The following CADPS2 variants were observed in gnomAD, a reference collection of about 807,000 sequenced individuals.
CADPS2 encodes the protein calcium dependent secretion activator 2, also known as calcium-dependent secretion activator 2.
In CADPS2, 93 loss-of-function variants were observed where a neutral mutation model predicts 172.5. That is an observed-to-expected ratio of 0.54 (90% CI 0.46 to 0.64). CADPS2 has a LOEUF of 0.64. Ranked by LOEUF, CADPS2 falls within the 30% of genes least tolerant of loss-of-function variation. The pLI is 0.00. For synonymous variants in CADPS2, 546 were observed against 555.2 expected, an observed-to-expected ratio of 0.98 and a Z score of 0.23; for missense variants, 1,420 against 1,565.9, an observed-to-expected ratio of 0.91 and a Z score of 1.57.
chr7:122,684,357 C>T (rs990846283), intron 2 of CADPS2, among the ~76,000 whole-genome samples: 1 of 151,902 alleles, frequency 6.6e-6, no homozygotes, highest in African/African-American at 2.4e-5. Context: ...CCATAGCATC[C>T]AAAAGCATGA....
intron 1 of CADPS2, among the ~76,000 whole-genome samples, chr7:122,787,777 G>A (rs1170469666): frequency 6.6e-6 from 1 of 152,184 alleles, no homozygotes; most frequent in Non-Finnish European, 1.5e-5. Context: ...TTAGCTGTTA[G>A]AGTAGCCTTC....
intron 12 of CADPS2, among the ~76,000 whole-genome samples, chr7:122,477,493 G>A (rs2056832049): frequency 2.0e-5 from 3 of 151,166 alleles, no homozygotes; most frequent in Admixed American, 2.0e-4. Flanking sequence ...TCCAGCCTGG[G>A]CTACAGAGTG....
At chr7:122,647,165 G>T (rs957788301) in intron 3 of CADPS2, among the ~76,000 whole-genome samples, 2 of 152,124 alleles carry the variant, frequency 1.3e-5, no homozygotes, top group African/African-American at 4.8e-5. Flanking sequence ...GGATAGCAGG[G>T]GGCAGTGGTA....
At chr7:122,767,371 G>T (rs762241449) in intron 1 of CADPS2, among the ~76,000 whole-genome samples, 1 of 152,058 alleles carries the variant, frequency 6.6e-6, no homozygotes, top group Non-Finnish European at 1.5e-5. Context: ...GATAGAGCTG[G>T]GATTCAAAAC....
intron 1 of CADPS2, among the ~76,000 whole-genome samples, chr7:122,839,851 C>G (rs11971637): frequency 6.6e-6 from 1 of 152,046 alleles, no homozygotes; most frequent in East Asian, 1.9e-4. Flanking sequence ...ACTGGTTCAA[C>G]CATTGTGGAA....
chr7:122,673,662 C>T (rs2082096252), intron 2 of CADPS2, among the ~76,000 whole-genome samples: 1 of 152,050 alleles, frequency 6.6e-6, no homozygotes, highest in African/African-American at 2.4e-5. Context: ...GAGCTAGACA[C>T]AGATTGCTGA....
intron 1 of CADPS2, among the ~76,000 whole-genome samples, chr7:122,750,158 T>C (rs1395264144): frequency 6.6e-6 from 1 of 152,118 alleles, no homozygotes; most frequent in African/African-American, 2.4e-5. Flanking sequence ...TATTGTATGC[T>C]ACACTGCTGA....
chr7:122,382,139 G>C (rs1402862197), intron 24 of CADPS2: 1 of 152,006 alleles, frequency 6.6e-6, no homozygotes, highest in Admixed American at 6.6e-5. Context: ...CATTCATTAG[G>C]GGACCCAGGT....
intron 1 of CADPS2, among the ~76,000 whole-genome samples, chr7:122,867,541 A>G (rs993229870): frequency 3.3e-5 from 5 of 152,170 alleles, no homozygotes; most frequent in African/African-American, 1.2e-4. Context: ...GTCCCTGCTG[A>G]AGGGCTTTGC....
At chr7:122,696,847 T>A (rs1004593859) in intron 2 of CADPS2, among the ~76,000 whole-genome samples, 32 of 152,348 alleles carry the variant, frequency 2.1e-4, no homozygotes, top group African/African-American at 7.5e-4. Context: ...AACAAAGATA[T>A]TTATCATTCA....
chr7:122,719,653 T>C (rs953849263), intron 2 of CADPS2, among the ~76,000 whole-genome samples: 4 of 152,262 alleles, frequency 2.6e-5, no homozygotes, highest in Middle Eastern at 3.4e-3. Context: ...CCATCAAATG[T>C]GCACATAAAT....
At chr7:122,828,700 A>G (rs1805646581) in intron 1 of CADPS2, among the ~76,000 whole-genome samples, 1 of 152,124 alleles carries the variant, frequency 6.6e-6, no homozygotes, top group African/African-American at 2.4e-5. Context: ...ACTTTAGCCA[A>G]CTTTTAAGCA....
At chr7:122,817,912 TCCCTTATTTCCGTGCCCCAAC>T (rs1484854013) in intron 1 of CADPS2, among the ~76,000 whole-genome samples, 2 of 142,180 alleles carry the variant, frequency 1.4e-5, no homozygotes, top group Admixed American at 7.1e-5. Context: ...TGTGCCCCAA[TCCCTTATTTCCGTGCCCCAAC>T]CCCTTATTTC....
chr7:122,446,903 A>C (rs1454887764), intron 15 of CADPS2, among the ~76,000 whole-genome samples: 1 of 152,004 alleles, frequency 6.6e-6, no homozygotes, highest in Non-Finnish European at 1.5e-5. Context: ...CTCAGGAATC[A>C]CTTTCATTGC....
intron 17 of CADPS2, among the ~76,000 whole-genome samples, chr7:122,422,578 C>G (rs144656220): frequency 6.6e-6 from 1 of 152,092 alleles, no homozygotes; most frequent in South Asian, 2.1e-4. Context: ...GGCACATAAA[C>G]AAATTGTTCT....
At chr7:122,554,208 G>C (rs1486772627) in intron 8 of CADPS2, among the ~76,000 whole-genome samples, 2 of 152,088 alleles carry the variant, frequency 1.3e-5, no homozygotes, top group East Asian at 3.9e-4. Context: ...GAACCTCAAT[G>C]CTAAGCTTGT....
intron 2 of CADPS2, among the ~76,000 whole-genome samples, chr7:122,682,901 C>T (rs2083205548): frequency 6.6e-6 from 1 of 152,194 alleles, no homozygotes; most frequent in African/African-American, 2.4e-5. Context: ...CAGCCTGTCA[C>T]TGGCCACTCC....
intron 1 of CADPS2, among the ~76,000 whole-genome samples, chr7:122,861,674 T>A (rs2141296446): frequency 6.6e-6 from 1 of 152,358 alleles, no homozygotes; most frequent in East Asian, 1.9e-4. Context: ...ATAGAGGATT[T>A]TTAATTTTCT....
intron 1 of CADPS2, chr7:122,850,155 C>T: frequency 8.8e-7 from 1 of 1,142,126 alleles, no homozygotes; most frequent in Non-Finnish European, 1.2e-6. Flanking sequence ...CAGGGCGTAT[C>T]TGTGGCTTCC....
Sources: allele counts gnomAD v4.1 joint callset (sites outside exome capture counted in the v4.1 genomes callset), GRCh38; gene constraint gnomAD v4.1.1; transcripts MANE v1.5; gene names NCBI Gene and HGNC (gene_info 2026-07-23, HGNC 2026-07-21).